DCDC1: variants seen among roughly 807,000 people sequenced by gnomAD.
DCDC1 encodes the protein doublecortin domain-containing protein 1.
In DCDC1, 200 loss-of-function variants were observed where a neutral mutation model predicts 178.3. The ratio of observed to expected loss-of-function variants is 1.12; its 90% CI spans 1.00 to 1.26. The LOEUF is 1.26. DCDC1 is among the 50% of genes most tolerant of loss of function. The probability of loss-of-function intolerance (pLI) is 0.00; values close to 1 mark genes in which losing one functional copy is unlikely to be tolerated. For missense variants in DCDC1, 1,983 were observed against 1,749.2 expected (o/e 1.13, Z -2.38); for synonymous variants, 690 against 604.8 (o/e 1.14, Z -2.07).
At chr11:31,142,833 A>G (rs75747578) in intron 9 of DCDC1, among the ~76,000 whole-genome samples, 3,123 of 152,144 alleles carry the variant, frequency 0.021, 96 homozygotes, top group African/African-American at 0.07. Context: ...AGTTTAATAA[A>G]TGGTCTTTTT....
chr11:31,155,390 G>C (rs2136124282), intron 9 of DCDC1, among the ~76,000 whole-genome samples: 1 of 152,280 alleles, frequency 6.6e-6, no homozygotes. Context: ...GTACTGTAGG[G>C]GGGAAGAGTC....
chr11:31,115,981 T>TGGGGGGGGGGGGGGGG (rs548179744), intron 11 of DCDC1, among the ~76,000 whole-genome samples: 1 of 38,090 alleles, frequency 2.6e-5, no homozygotes, highest in African/African-American at 6.5e-5. Context: ...GCTGTGGCAG[T>TGGGGGGGGGGGGGGGG]GGGGGGGGGG....
At chr11:31,301,427 G>A (rs546170537) in intron 6 of DCDC1, among the ~76,000 whole-genome samples, 7 of 152,166 alleles carry the variant, frequency 4.6e-5, no homozygotes, top group Admixed American at 2.6e-4. Flanking sequence ...GCACTATAGC[G>A]TTCTGTCTTG....
intron 10 of DCDC1, among the ~76,000 whole-genome samples, chr11:31,128,246 T>C (rs1961925194): frequency 6.6e-6 from 1 of 152,066 alleles, no homozygotes; most frequent in African/African-American, 2.4e-5. Flanking sequence ...ATATTTTAAA[T>C]ATATATTAAT....
intron 8 of DCDC1, among the ~76,000 whole-genome samples, chr11:31,250,960 G>T (rs1330792480): frequency 6.6e-5 from 10 of 151,886 alleles, no homozygotes; most frequent in Non-Finnish European, 4.4e-5. Context: ...TCACCATGTT[G>T]GCCAGGATGG....
At chr11:31,159,797 A>G (rs1966124124) in intron 9 of DCDC1, among the ~76,000 whole-genome samples, 1 of 152,200 alleles carries the variant, frequency 6.6e-6, no homozygotes, top group Admixed American at 6.5e-5. Flanking sequence ...AAAAAAATCA[A>G]TGGCTTAGCT....
At chr11:30,927,544 G>GA (rs1946663223) in intron 22 of DCDC1, among the ~76,000 whole-genome samples, 1 of 152,136 alleles carries the variant, frequency 6.6e-6, no homozygotes, top group African/African-American at 2.4e-5. Flanking sequence ...GGGCTTTGCT[G>GA]AAGACTTCCA....
intron 9 of DCDC1, among the ~76,000 whole-genome samples, chr11:31,193,321 C>T (rs1378896713): frequency 6.6e-6 from 1 of 152,020 alleles, no homozygotes; most frequent in African/African-American, 2.4e-5. Flanking sequence ...AACTAAACTA[C>T]AGGTTAAGTA....
chr11:31,067,233 C>G (rs767344314), intron 18 of DCDC1, among the ~76,000 whole-genome samples: 1 of 151,848 alleles, frequency 6.6e-6, no homozygotes, highest in Non-Finnish European at 1.5e-5. Flanking sequence ...ATAAAGAACT[C>G]TTATACTCAC....
At chr11:31,005,967 A>AC (rs1269707769) in intron 20 of DCDC1, among the ~76,000 whole-genome samples, 6 of 150,882 alleles carry the variant, frequency 4.0e-5, no homozygotes, top group Non-Finnish European at 4.4e-5. Flanking sequence ...AAAAAAAAAA[A>AC]AAAAAAAAAA....
At chr11:31,055,694 C>G (rs1955540252) in intron 20 of DCDC1, among the ~76,000 whole-genome samples, 1 of 152,162 alleles carries the variant, frequency 6.6e-6, no homozygotes, top group African/African-American at 2.4e-5. Context: ...GAATTAACAG[C>G]ATTTGCAGTG....
chr11:31,214,677 A>G (rs929910595), intron 9 of DCDC1, among the ~76,000 whole-genome samples: 7 of 152,212 alleles, frequency 4.6e-5, no homozygotes, highest in African/African-American at 1.7e-4. Context: ...TGTCATTTGT[A>G]GAGACAATAT....
intron 10 of DCDC1, among the ~76,000 whole-genome samples, chr11:31,129,582 A>T (rs1196005025): frequency 6.6e-6 from 1 of 152,172 alleles, no homozygotes; most frequent in Non-Finnish European, 1.5e-5. Flanking sequence ...AAATAATAAT[A>T]AGCTGCAGGC....
intron 17 of DCDC1, among the ~76,000 whole-genome samples, chr11:31,082,115 C>T (rs1361690442): frequency 1.3e-5 from 2 of 151,998 alleles, no homozygotes; most frequent in Non-Finnish European, 1.5e-5. Flanking sequence ...AAAATAACAA[C>T]GACATCAATA....
intron 20 of DCDC1, among the ~76,000 whole-genome samples, chr11:30,954,646 G>A (rs888563162): frequency 6.6e-6 from 1 of 152,140 alleles, no homozygotes; most frequent in Non-Finnish European, 1.5e-5. Flanking sequence ...TAATAGCTAA[G>A]AAATACTGGT....
intron 9 of DCDC1, among the ~76,000 whole-genome samples, chr11:31,209,815 T>C (rs1243624877): frequency 1.3e-5 from 2 of 152,146 alleles, no homozygotes; most frequent in East Asian, 3.9e-4. Flanking sequence ...GAAAGACCTC[T>C]TCAAGCAAGG....
chr11:31,333,394 G>A (rs573848415), intron 2 of DCDC1, among the ~76,000 whole-genome samples: 1 of 152,246 alleles, frequency 6.6e-6, no homozygotes, highest in Admixed American at 6.5e-5. Context: ...GGTTAATATT[G>A]TTATGTGTGA....
At chr11:31,004,766 C>A (rs1590728496) in intron 20 of DCDC1, among the ~76,000 whole-genome samples, 2 of 151,630 alleles carry the variant, frequency 1.3e-5, no homozygotes, top group Middle Eastern at 3.4e-3. Flanking sequence ...AGCAGTGTAA[C>A]CATGGACAAG....
rs529755379 is a variant in DCDC1, at chr11:30,925,327, G to A, written c.2979C>T (p.Asp993=). 5.8e-5 allele frequency: 94 copies of A among 1,613,632 alleles called. No individual in the cohort carries two copies. The South Asian group carries it at 1.0e-3, about 17-fold the overall frequency. The change falls in exon 23 of 39, where the codon GAC becomes GAT. Residue 993 remains aspartate (D), a synonymous_variant. Coordinates refer to ENST00000684477, the MANE Select transcript of DCDC1 (RefSeq NM_001387274.1). ...TCTTTACCAGTTCATCTCTTTGCAG[G>A]TCTTTTAAGGCAAATATTTCCTTCC... ...EKGKEIFALK[D]LQRDELVYVS...
Sources: gnomAD v4.1 joint callset for allele counts (sites outside exome capture counted in the v4.1 genomes callset) on GRCh38, gnomAD v4.1.1 for gene constraint, MANE v1.5 for transcripts, NCBI Gene and HGNC (gene_info 2026-07-23, HGNC 2026-07-21) for gene names.